The following UGGT2 variants were observed in gnomAD, a reference collection of about 807,000 sequenced individuals.
The protein encoded by UGGT2 is UDP-glucose glycoprotein glucosyltransferase 2, also known as UDP-glucose:glycoprotein glucosyltransferase 2.
Under a neutral mutation model 192.1 loss-of-function variants are expected in UGGT2, and 180 were observed. The ratio of observed to expected loss-of-function variants is 0.94; its 90% confidence interval spans 0.83 to 1.06. The LOEUF is 1.06. Among genes scored for constraint, UGGT2 ranks in the 50% least tolerant of loss-of-function variants. The probability of loss-of-function intolerance (pLI) is 0.00; values close to 1 mark genes in which losing one functional copy is unlikely to be tolerated. For synonymous variants in UGGT2, 580 were observed against 591.0 expected (o/e 0.98, Z 0.27); for missense variants, 1,849 against 1,795.7 (o/e 1.03, Z -0.54).
chr13:96,052,955 G>A (rs1374796359), intron 1 of UGGT2, among the ~76,000 whole-genome samples, 200 bp downstream of exon 1: 1 of 152,238 alleles, frequency 6.6e-6, no homozygotes, highest in Non-Finnish European at 1.5e-5. Context: ...AGGGGGAAAG[G>A]AACTGCAAGT....
At chr13:95,922,297 A>G (rs934970601) in intron 20 of UGGT2, among the ~76,000 whole-genome samples, 9 of 152,166 alleles carry the variant, frequency 5.9e-5, no homozygotes, top group African/African-American at 1.9e-4. Context: ...GGGGACTACA[A>G]AAGGGGATGG....
rs180935244 is a variant in UGGT2 at position 95,917,176 on chromosome 13, G to T, written c.2295+8504C>A. On this transcript the variant is annotated intron_variant, in intron 20 of 38. Coordinates refer to ENST00000376747, the MANE Select transcript of UGGT2 (RefSeq NM_020121.4). ...AAGGCTAGGTCATCCACAAAGGGAA[G>T]CCCATCAGACTAACAGCAGACCTCT... 1.3e-3 allele frequency among the ~76,000 whole-genome samples: 204 copies of T among 152,258 alleles called. 1 individual carries two copies. Among genetic ancestry groups the T allele is most frequent in the African/African-American group, 4.6e-3 (193 of 41,558 alleles).
At chr13:95,903,138 C>T (rs1353114250) in intron 20 of UGGT2, 78 bp from the exon 21 acceptor site, 15 of 1,398,860 alleles carry the variant, frequency 1.1e-5, no homozygotes, top group Non-Finnish European at 1.3e-5. Flanking sequence ...CTTTCCCATC[C>T]AGTTTGTTCA....
At chr13:95,878,762 A>G (rs2140168916) in intron 27 of UGGT2, among the ~76,000 whole-genome samples, 1 of 152,292 alleles carries the variant, frequency 6.6e-6, no homozygotes. Context: ...GACTATTTGG[A>G]TACATTCTGT....
chr13:96,004,607 T>A (rs1371201434), intron 5 of UGGT2, among the ~76,000 whole-genome samples: 1 of 152,020 alleles, frequency 6.6e-6, no homozygotes, highest in Non-Finnish European at 1.5e-5. Context: ...TGTATACATG[T>A]GCCATGCTGG....
chr13:95,926,264 G>A (rs950457122), intron 19 of UGGT2, among the ~76,000 whole-genome samples: 3 of 152,124 alleles, frequency 2.0e-5, no homozygotes, highest in South Asian at 2.1e-4. Context: ...GTAGAAACTC[G>A]GATTTAATCT....
At chr13:96,021,297 A>C (rs1172826177) in intron 4 of UGGT2, among the ~76,000 whole-genome samples, 1 of 152,136 alleles carries the variant, frequency 6.6e-6, no homozygotes, top group African/African-American at 2.4e-5. Context: ...TTTGATGTTA[A>C]TTTTTTTGTA....
chr13:96,007,524 A>C (rs1164476684), intron 5 of UGGT2, among the ~76,000 whole-genome samples: 1 of 152,208 alleles, frequency 6.6e-6, no homozygotes, highest in Non-Finnish European at 1.5e-5. Context: ...CCTGGTTTGC[A>C]AACAATATGA....
intron 20 of UGGT2, among the ~76,000 whole-genome samples, chr13:95,915,421 TA>T (rs1448681883): frequency 6.6e-6 from 1 of 152,228 alleles, no homozygotes; most frequent in East Asian, 1.9e-4. Context: ...CTACCCCTGC[TA>T]AAATTTAACC....
At chr13:96,010,698 AAATTT>A (rs1198053601) in intron 5 of UGGT2, among the ~76,000 whole-genome samples, 6 of 152,232 alleles carry the variant, frequency 3.9e-5, no homozygotes. Flanking sequence ...GTTCTCCCAC[AAATTT>A]AATTTATATG....
At chr13:95,810,285 A>G (rs1884517415) in intron 38 of UGGT2, among the ~76,000 whole-genome samples, 1 of 152,170 alleles carries the variant, frequency 6.6e-6, no homozygotes, top group South Asian at 2.1e-4. Context: ...TGTGGAGATG[A>G]TTAGTGTTTT....
chr13:95,937,128 G>A, intron 16 of UGGT2, 40 bp from the exon 17 acceptor site: 8 of 1,546,864 alleles, frequency 5.2e-6, no homozygotes, highest in Non-Finnish European at 6.9e-6. Flanking sequence ...AACAAAATAT[G>A]ATTGTTTGAA....
At chr13:95,964,325 G>A (rs2050498330) in intron 12 of UGGT2, among the ~76,000 whole-genome samples, 1 of 152,084 alleles carries the variant, frequency 6.6e-6, no homozygotes, top group Non-Finnish European at 1.5e-5. Context: ...ACTCAAGATG[G>A]ATTAAAGACT....
intron 20 of UGGT2, among the ~76,000 whole-genome samples, chr13:95,922,534 A>G (rs189088417): frequency 1.4e-3 from 210 of 152,330 alleles, no homozygotes; most frequent in Middle Eastern, 0.014. Flanking sequence ...ATAAGAAGCC[A>G]TCTTTGGCCA....
chr13:95,946,502 A>G (rs970998077), intron 15 of UGGT2, among the ~76,000 whole-genome samples: 1 of 152,004 alleles, frequency 6.6e-6, no homozygotes, highest in African/African-American at 2.4e-5. Flanking sequence ...CTGAGTAACT[A>G]TGACTACAGG....
chr13:95,855,567 G>T (rs1889524248), intron 34 of UGGT2, among the ~76,000 whole-genome samples: 1 of 147,894 alleles, frequency 6.8e-6, no homozygotes, highest in Non-Finnish European at 1.5e-5. Context: ...CTTTCACTCA[G>T]GCTGGAGTGC....
At chr13:95,871,949 T>C (rs943069656) in intron 29 of UGGT2, among the ~76,000 whole-genome samples, 1 of 138,034 alleles carries the variant, frequency 7.2e-6, no homozygotes, top group African/African-American at 2.7e-5. Context: ...GAAAGCCTTG[T>C]TTGACATCTC....
At chr13:95,830,995 G>T (rs560001200) in intron 38 of UGGT2, among the ~76,000 whole-genome samples, 68 of 152,086 alleles carry the variant, frequency 4.5e-4, no homozygotes, top group Non-Finnish European at 2.8e-4. Flanking sequence ...GGATGAAGCT[G>T]GAAACCATCA....
chr13:95,853,064 A>G (rs1482120399), intron 36 of UGGT2, among the ~76,000 whole-genome samples: 1 of 152,000 alleles, frequency 6.6e-6, no homozygotes, highest in Non-Finnish European at 1.5e-5. Flanking sequence ...GGTTCTCATG[A>G]GATCTGATGG....
Sources: gnomAD v4.1 joint callset for allele counts (sites outside exome capture counted in the v4.1 genomes callset) on GRCh38, gnomAD v4.1.1 for gene constraint, MANE v1.5 for transcripts, NCBI Gene and HGNC (gene_info 2026-07-23, HGNC 2026-07-21) for gene names.